Variants in RAI1 observed in about 807,000 individuals in gnomAD.
The protein encoded by RAI1 is retinoic acid-induced protein 1.
A neutral mutation model predicts 123.8 loss-of-function variants in RAI1; 9 were observed. That is an observed-to-expected ratio of 0.07 (90% CI 0.04 to 0.13). RAI1 has a LOEUF of 0.13. RAI1 is among the 10% of genes least tolerant of loss of function. The probability of loss-of-function intolerance (pLI) is 1.00; values close to 1 mark genes in which losing one functional copy is unlikely to be tolerated. For synonymous variants in RAI1, 1,231 were observed against 1,127.3 expected (o/e 1.09, Z -1.84); for missense variants, 2,256 against 2,545.8 (o/e 0.89, Z 2.45).
intron 1 of RAI1, among the ~76,000 whole-genome samples, chr17:17,717,809 G>A (rs1399417667): frequency 6.6e-6 from 1 of 152,180 alleles, no homozygotes; most frequent in African/African-American, 2.4e-5. Flanking sequence ...CTGCATGGAG[G>A]CCCAGTCACA....
Position 17,811,252 on chromosome 17 carries a change from TATAC to T in RAI1, c.*1275_*1278del, listed in dbSNP as rs1295619028. ...TATATAGTGTATATATATGTATACA[TATAC>T]ATATATATAATATATATGAAGACTG... On this transcript the variant is annotated 3_prime_UTR_variant, in exon 6 of 6. Transcript: ENST00000353383. 1 of 330,822 alleles carries T rather than the reference TATAC, an allele frequency of 3.0e-6. No individual in the cohort carries two copies. Among genetic ancestry groups the T allele is most frequent in the African/African-American group, 2.2e-5 (1 of 45,012 alleles). The allele number at this position is 330,822 out of a possible 1,614,324, so 20.5% of individuals were successfully genotyped here.
At chr17:17,786,334 G>T (rs1237217217) in intron 2 of RAI1, among the ~76,000 whole-genome samples, 1 of 152,204 alleles carries the variant, frequency 6.6e-6, no homozygotes, top group African/African-American at 2.4e-5. Context: ...GACATTTTGT[G>T]CATTATTGAT....
At chr17:17,776,377 A>G (rs1160126796) in intron 2 of RAI1, among the ~76,000 whole-genome samples, 3 of 151,264 alleles carry the variant, frequency 2.0e-5, no homozygotes, top group Non-Finnish European at 4.4e-5. Context: ...TTTTGTACAC[A>G]CTTTTTTTTT....
chr17:17,748,344 G>C lies in RAI1; in HGVS notation c.-17+24185G>C, dbSNP rs1410900576. ...AAAGGCACTTAAACTCAAATGCATG[G>C]AGAAGGGGACAGCCAGGGTGTGATT... is the stretch of plus-strand genomic sequence containing the variant. On this transcript the variant is annotated intron_variant, in intron 2 of 5. Coordinates refer to ENST00000353383, the MANE Select transcript of RAI1 (RefSeq NM_030665.4). Among the ~76,000 whole-genome samples the C allele has an allele frequency of 2.6e-5, 4 of 152,356 alleles. No homozygotes were observed. The East Asian group carries it at 7.7e-4, about 29-fold the overall frequency.
chr17:17,809,424 A>C lies in RAI1; in HGVS notation c.5694A>C (p.Lys1898Asn). 1 of 1,606,658 alleles carries C rather than the reference A, an allele frequency of 6.2e-7. No homozygotes were observed. Among genetic ancestry groups the C allele is most frequent in the Non-Finnish European group, 8.5e-7 (1 of 1,173,422 alleles). Residue 1898 changes from lysine to asparagine, a missense_variant, in exon 5 of 6, where the codon AAA (lysine) becomes AAC (asparagine). By Grantham distance (94) the Lys-to-Asn change is moderately conservative. Transcript: ENST00000353383. The surrounding 1 kb of genome is among the most constrained non-coding windows in gnomAD (Gnocchi z 4.9). ...TCATCGAAGAGAACTTTTCTTTGAA[A>C]TGTCCCAAACATAAGGTAGGGGACC... ...CIFIEENFSL[K>N]CPKHKRLP
At position 17,738,253 on chromosome 17, in the gene RAI1, G is replaced by T. The variant is rs528932253; in HGVS notation, c.-17+14094G>T. Among the ~76,000 whole-genome samples, 129 of 146,834 alleles carry T rather than the reference G, an allele frequency of 8.8e-4. 3 individuals carry two copies. The highest frequency in any genetic ancestry group is 3.8e-4 in the Non-Finnish European group (25 of 66,216). On this transcript the variant is annotated intron_variant, in intron 2 of 5. Transcript: ENST00000353383. ...GGTAGCATGAGGGAGTGAGTACCAG[G>T]AGACTGCTGCCTCCTCCCACATCTG...
intron 1 of RAI1, among the ~76,000 whole-genome samples, chr17:17,687,050 C>G (rs1241968560): frequency 6.6e-5 from 10 of 152,082 alleles, no homozygotes; most frequent in Admixed American, 6.5e-4. Context: ...ATGGTGCGAT[C>G]TCAGCTCACT....
Position 17,757,271 on chromosome 17 carries a change from C to T in RAI1, c.-17+33112C>T, listed in dbSNP as rs894072080. ...ACGGCAGCTCATCTGGCTGCAGAGT[C>T]AGGAAAGATTTCCTGAGCCTGGACT... On this transcript the variant is annotated intron_variant, in intron 2 of 5. Transcript: ENST00000353383. Among the ~76,000 whole-genome samples the T allele has an allele frequency of 2.0e-5, 3 of 152,160 alleles. No individual in the cohort carries two copies. The South Asian group carries it at 6.2e-4, about 32-fold the overall frequency.
chr17:17,807,639 C>T (rs917276115), intron 4 of RAI1, among the ~76,000 whole-genome samples: 5 of 152,346 alleles, frequency 3.3e-5, no homozygotes, highest in African/African-American at 1.2e-4. Context: ...CAGTGACTCC[C>T]GCCCCGTGCC....
chr17:17,739,695 C>T (rs1916554365), intron 2 of RAI1, among the ~76,000 whole-genome samples: 1 of 152,240 alleles, frequency 6.6e-6, no homozygotes, highest in African/African-American at 2.4e-5. Context: ...TCCCTACCTC[C>T]ACTCCTTGGG....
In RAI1 at chr17:17,809,933, A is replaced by T; in HGVS notation, c.5710-37A>T. 6.4e-7 allele frequency: 1 copy of T among 1,558,314 alleles called. No individual in the cohort carries two copies. The highest frequency in any genetic ancestry group is 8.7e-7 in the Non-Finnish European group (1 of 1,152,750). On this transcript the variant is annotated intron_variant, in intron 5 of 5. Coordinates refer to ENST00000353383, the MANE Select transcript of RAI1 (RefSeq NM_030665.4). This position sits in a 1 kb window ranked among gnomAD's most constrained non-coding sequence, Gnocchi z 4.9. ...CGGGGCCTATGGACTGTGAAGTCCGAGGTCGTCGGTAACTGGCGGGCGGGC... is the reference window on the plus strand; with the variant it reads ...CGGGGCCTATGGACTGTGAAGTCCGTGGTCGTCGGTAACTGGCGGGCGGGC...
chr17:17,796,266 C>A lies in RAI1; in HGVS notation c.3318C>A (p.Ala1106=), dbSNP rs34206150. The change falls in exon 3 of 6, where the codon GCC becomes GCA. Residue 1106 remains alanine (A), a synonymous_variant. Transcript: ENST00000353383. The surrounding 1 kb of genome is among the most constrained non-coding windows in gnomAD (Gnocchi z 5.8). The part of the protein sequence containing the change: ...KRVGKPSPKA[A]SSPSNPAALP... ...TGGGGAAGCCCTCACCCAAGGCTGCCTCCAGCCCCAGCAACCCGGCCGCCC... is the reference window on the plus strand; with the variant it reads ...TGGGGAAGCCCTCACCCAAGGCTGCATCCAGCCCCAGCAACCCGGCCGCCC... 150 of 1,593,930 alleles carry A rather than the reference C, an allele frequency of 9.4e-5. No homozygotes were observed. The African/African-American group carries it at 1.9e-3, about 20-fold the overall frequency.
At chr17:17,789,991 T>C (rs913812958) in intron 2 of RAI1, among the ~76,000 whole-genome samples, 1 of 152,110 alleles carries the variant, frequency 6.6e-6, no homozygotes, top group Admixed American at 6.5e-5. Context: ...ACTTCTTCCC[T>C]GCCCCCAGGT....
In RAI1 at chr17:17,810,872, C is replaced by T. The variant is rs1025349886; in HGVS notation, c.*891C>T. The T allele has an allele frequency of 2.5e-5, 11 of 442,102 alleles. No individual in the cohort carries two copies. The highest frequency in any genetic ancestry group is 5.1e-5 in the Non-Finnish European group (11 of 216,342). The allele number at this position is 442,102 out of a possible 1,614,324, so 27.4% of individuals were successfully genotyped here. On this transcript the variant is annotated 3_prime_UTR_variant, in exon 6 of 6. Coordinates refer to ENST00000353383, the MANE Select transcript of RAI1 (RefSeq NM_030665.4). The surrounding 1 kb of genome is among the most constrained non-coding windows in gnomAD (Gnocchi z 4.6). The stretch of plus-strand genomic sequence containing the variant: ...CGCCTACTCTGCACGGGAGCAGGGA[C>T]AGCGCTAGATTTCGTGTACAAAACC...
chr17:17,741,525 G>A (rs939864637), intron 2 of RAI1, among the ~76,000 whole-genome samples: 1 of 152,212 alleles, frequency 6.6e-6, no homozygotes, highest in Non-Finnish European at 1.5e-5. Flanking sequence ...TGGCAGTGCG[G>A]GACTCGTCCT....
At position 17,793,294 on chromosome 17, in the gene RAI1, G is replaced by A; in HGVS notation, c.346G>A (p.Glu116Lys). The part of the protein sequence containing the change: ...SPYPGRYAGE[E>K]SLQAWGAPQP... ...CTACCCAGGCCGCTATGCTGGTGAG[G>A]AGAGCCTTCAGGCTTGGGGGGCCCC... The change falls in exon 3 of 6, where the codon GAG (glutamate) becomes AAG (lysine). Residue 116 changes from glutamate to lysine, a missense_variant. Glu to Lys is a moderately conservative substitution (Grantham distance 56, BLOSUM62 1). Transcript: ENST00000353383. 1 of 1,612,514 alleles carries A rather than the reference G, an allele frequency of 6.2e-7. No homozygotes were observed.
At position 17,793,038 on chromosome 17, in the gene RAI1, C is replaced by T. The variant is rs760386467; in HGVS notation, c.90C>T (p.Tyr30=). 49 of 1,614,048 alleles carry T rather than the reference C, an allele frequency of 3.0e-5. No individual in the cohort carries two copies. Among genetic ancestry groups the T allele is most frequent in the Middle Eastern group, 1.6e-4 (1 of 6,084 alleles). Residue 30 remains tyrosine (Y), a synonymous_variant, in exon 3 of 6, where the codon TAC becomes TAT. Transcript: ENST00000353383. ...AGGAAACATCACGCCTAGAGAATTA[C>T]AGGCAGCCGAGTCAGGCCGGGCTAA... The part of the protein sequence containing the change: ...TSQETSRLEN[Y]RQPSQAGLSC...
chr17:17,703,021 A>G (rs1163705856), intron 1 of RAI1, among the ~76,000 whole-genome samples: 2 of 152,226 alleles, frequency 1.3e-5, no homozygotes, highest in Non-Finnish European at 2.9e-5. Context: ...TTAGCACTGT[A>G]CTTTACGTGT....
intron 2 of RAI1, among the ~76,000 whole-genome samples, chr17:17,750,643 C>T (rs2030119364): frequency 7.1e-6 from 1 of 141,158 alleles, no homozygotes; most frequent in Admixed American, 7.4e-5. Context: ...ATCGCTTGAA[C>T]CTGGGAGGCG....
Sources: allele counts gnomAD v4.1 joint callset (sites outside exome capture counted in the v4.1 genomes callset), GRCh38; gene constraint gnomAD v4.1.1; non-coding constraint Gnocchi (gnomAD v3.1); transcripts MANE v1.5; gene names NCBI Gene and HGNC (gene_info 2026-07-23, HGNC 2026-07-21).